Variants in SSH2 observed in about 807,000 individuals in gnomAD.
SSH2 encodes protein phosphatase Slingshot homolog 2.
SSH2 carries 37 observed loss-of-function variants against 135.2 expected under a neutral mutation model. The observed-to-expected ratio is 0.27, with a 90% CI of 0.21 to 0.36. The LOEUF (loss-of-function observed/expected upper bound fraction) is 0.36, where lower values mean the gene tolerates loss of function less well. Among genes scored for constraint, SSH2 ranks in the 10% least tolerant of loss-of-function variants. The pLI is 1.00. For missense variants in SSH2, 1,408 were observed against 1,765.3 expected (o/e 0.80, Z 3.63); for synonymous variants, 628 against 646.2 (o/e 0.97, Z 0.43).
chr17:29,681,966 T>C (rs1044112473), intron 6 of SSH2, among the ~76,000 whole-genome samples: 1 of 152,234 alleles, frequency 6.6e-6, no homozygotes, highest in African/African-American at 2.4e-5. Context: ...GCAAACAGAA[T>C]GAAAACTAGT....
intron 2 of SSH2, among the ~76,000 whole-genome samples, chr17:29,799,952 C>G (rs1290103253): frequency 6.6e-6 from 1 of 152,142 alleles, no homozygotes; most frequent in Non-Finnish European, 1.5e-5. Context: ...CCCAAGATGG[C>G]AATTCAGAGG....
chr17:29,834,911 A>C (rs1342923422), intron 2 of SSH2, among the ~76,000 whole-genome samples: 1 of 152,198 alleles, frequency 6.6e-6, no homozygotes, highest in East Asian at 1.9e-4. Flanking sequence ...TTACTAAAAT[A>C]TTCATTAAAA....
chr17:29,701,366 C>T (rs1321065709), intron 4 of SSH2, among the ~76,000 whole-genome samples: 4 of 150,928 alleles, frequency 2.7e-5, no homozygotes, highest in South Asian at 4.2e-4. Flanking sequence ...CTCGGCCTCC[C>T]GAGGTGCTGG....
rs541183190 is a variant in SSH2, at chr17:29,627,863, G to A, written c.*2978C>T. ...CAAAACATCAACTGTTTTTATATAT[G>A]TACATATGTGTACACATGCACATAC... On this transcript the variant is annotated 3_prime_UTR_variant, in exon 16 of 16. Transcript: ENST00000540801. 1 of 152,060 alleles carries A rather than the reference G, an allele frequency of 6.6e-6. No individual in the cohort carries two copies. The highest frequency in any genetic ancestry group is 1.5e-5 in the Non-Finnish European group (1 of 68,018). The allele number at this position is 152,060 out of a possible 1,614,324, so 9.4% of individuals were successfully genotyped here.
At chr17:29,726,601 G>C (rs1320454326) in intron 3 of SSH2, among the ~76,000 whole-genome samples, 1 of 152,146 alleles carries the variant, frequency 6.6e-6, no homozygotes, top group Admixed American at 6.5e-5. Context: ...TACCATGGGG[G>C]CTATTTGTCT....
At chr17:29,733,315 C>T (rs1342967004) in intron 3 of SSH2, among the ~76,000 whole-genome samples, 1 of 152,240 alleles carries the variant, frequency 6.6e-6, no homozygotes, top group Non-Finnish European at 1.5e-5. Flanking sequence ...GAAAACCCCA[C>T]TAACAACCAG....
At chr17:29,661,064 A>G in intron 11 of SSH2, among the ~76,000 whole-genome samples, 1 of 147,132 alleles carries the variant, frequency 6.8e-6, no homozygotes, top group South Asian at 2.1e-4. Flanking sequence ...TCCATCTCAA[A>G]AAAAAAAAAA....
intron 1 of SSH2, among the ~76,000 whole-genome samples, chr17:29,873,357 G>A (rs2065971020): frequency 1.3e-5 from 2 of 152,008 alleles, no homozygotes; most frequent in South Asian, 2.1e-4. Context: ...TCAGGAGTTC[G>A]AGACCAGTCT....
At chr17:29,749,673 G>C (rs2151226397) in intron 3 of SSH2, among the ~76,000 whole-genome samples, 1 of 152,208 alleles carries the variant, frequency 6.6e-6, no homozygotes, top group South Asian at 2.1e-4. Flanking sequence ...AACTACTGTG[G>C]ACTTTATAAA....
chr17:29,833,828 TTCCCTCCCTCCCTTTCTCCTTCCC>T (rs1369687670), intron 2 of SSH2, among the ~76,000 whole-genome samples: 6 of 54,714 alleles, frequency 1.1e-4, no homozygotes, highest in African/African-American at 2.3e-4. Context: ...CCTTCCTTCC[TTCCCTCCCTCCCTTTCTCCTTCCC>T]TCCCTCCCTC....
chr17:29,683,835 C>G (rs1390183403), intron 6 of SSH2, among the ~76,000 whole-genome samples: 1 of 151,510 alleles, frequency 6.6e-6, no homozygotes, highest in African/African-American at 2.4e-5. Flanking sequence ...CTTCTAGCTA[C>G]TTAGGAGGCT....
Position 29,628,608 on chromosome 17 carries a change from G to C in SSH2, c.*2233C>G, listed in dbSNP as rs1236523732. On this transcript the variant is annotated 3_prime_UTR_variant, in exon 16 of 16. Coordinates refer to ENST00000540801, the MANE Select transcript of SSH2 (RefSeq NM_001282129.2). ...TCAAGAAGGCAGGGTATTCTACATG[G>C]AAGAGCTCTGGAAATCCATAACCCT... 6.6e-6 allele frequency: 1 copy of C among 152,104 alleles called. No homozygotes were observed. The highest frequency in any genetic ancestry group is 6.6e-5 in the Admixed American group (1 of 15,266). The allele number at this position is 152,104 out of a possible 1,614,324, so 9.4% of individuals were successfully genotyped here.
intron 3 of SSH2, among the ~76,000 whole-genome samples, chr17:29,791,683 C>T (rs747146912): frequency 5.9e-5 from 9 of 152,126 alleles, no homozygotes; most frequent in African/African-American, 1.7e-4. Context: ...TGCTTCGAGT[C>T]GGACTAAAGC....
chr17:29,739,263 T>C (rs1270874394), intron 3 of SSH2, among the ~76,000 whole-genome samples: 5 of 152,212 alleles, frequency 3.3e-5, no homozygotes. Flanking sequence ...TAACTTCACA[T>C]CCTAGTCAGG....
rs2035631441 is a variant in SSH2 at position 29,630,817 on chromosome 17, A to G, written c.*24T>C. On this transcript the variant is annotated 3_prime_UTR_variant, in exon 16 of 16. Transcript: ENST00000540801. ...CCCCTTTTACAAACATTTCTTCTAG[A>G]AAGTCACATGTGTAGGCTCAGAATC... is the stretch of plus-strand genomic sequence containing the variant. The G allele has an allele frequency of 6.6e-6, 10 of 1,513,182 alleles. No homozygotes were observed. Among genetic ancestry groups the G allele is most frequent in the Non-Finnish European group, 8.9e-6 (10 of 1,129,670 alleles). The allele number at this position is 1,513,182 out of a possible 1,614,324, so 93.7% of individuals were successfully genotyped here.
At chr17:29,845,856 G>A (rs538703648) in intron 2 of SSH2, among the ~76,000 whole-genome samples, 1 of 151,896 alleles carries the variant, frequency 6.6e-6, no homozygotes, top group South Asian at 2.1e-4. Flanking sequence ...CACCGTGCCT[G>A]GCCCCAACTA....
intron 11 of SSH2, among the ~76,000 whole-genome samples, chr17:29,662,127 G>A (rs980690266): frequency 6.6e-6 from 1 of 152,162 alleles, no homozygotes; most frequent in Non-Finnish European, 1.5e-5. Context: ...TTACTGAAGT[G>A]TAAAATGAAA....
chr17:29,891,056 A>C (rs2066340888), intron 1 of SSH2, among the ~76,000 whole-genome samples: 1 of 152,060 alleles, frequency 6.6e-6, no homozygotes, highest in Non-Finnish European at 1.5e-5. Flanking sequence ...GCCCGGTCTG[A>C]AAAAAATCTT....
intron 8 of SSH2, among the ~76,000 whole-genome samples, chr17:29,674,503 G>GC (rs2037624340): frequency 6.6e-6 from 1 of 152,176 alleles, no homozygotes; most frequent in African/African-American, 2.4e-5. Flanking sequence ...AGATACTCCA[G>GC]CTGCATCAGA....
Sources: allele counts gnomAD v4.1 joint callset (sites outside exome capture counted in the v4.1 genomes callset), GRCh38; gene constraint gnomAD v4.1.1; transcripts MANE v1.5; gene names NCBI Gene and HGNC (gene_info 2026-07-23, HGNC 2026-07-21).